Variants in PTPRD observed in about 807,000 individuals in gnomAD.
PTPRD encodes the protein protein tyrosine phosphatase receptor type D.
PTPRD carries 34 observed loss-of-function variants against 214.5 expected under a neutral mutation model. The observed-to-expected ratio is 0.16, with a 90% confidence interval of 0.12 to 0.21. PTPRD has a LOEUF of 0.21. Among genes scored for constraint, PTPRD ranks in the 10% least tolerant of loss-of-function variants. The probability of loss-of-function intolerance (pLI) is 1.00; values close to 1 mark genes in which losing one functional copy is unlikely to be tolerated. For synonymous variants in PTPRD, 1,128 were observed against 845.7 expected, an observed-to-expected ratio of 1.33 and a Z score of -5.79; for missense variants, 2,545 against 2,398.7, an observed-to-expected ratio of 1.06 and a Z score of -1.27.
At chr9:8,468,065 T>G (rs977313589) in intron 31 of PTPRD, among the ~76,000 whole-genome samples, 1 of 152,038 alleles carries the variant, frequency 6.6e-6, no homozygotes, top group Non-Finnish European at 1.5e-5. Context: ...ATCATTGTCA[T>G]TCCCACAAGC....
At chr9:9,551,599 T>C (rs79541086) in intron 8 of PTPRD, among the ~76,000 whole-genome samples, 1 of 152,022 alleles carries the variant, frequency 6.6e-6, no homozygotes, top group Non-Finnish European at 1.5e-5. Context: ...ATTACATTAA[T>C]GTTTGGCTCC....
chr9:9,553,677 T>C (rs915067594), intron 8 of PTPRD, among the ~76,000 whole-genome samples: 2 of 152,054 alleles, frequency 1.3e-5, no homozygotes, highest in Non-Finnish European at 2.9e-5. Flanking sequence ...ACAAATATGC[T>C]TGACTATATT....
At chr9:9,920,851 C>T (rs1051867122) in intron 5 of PTPRD, among the ~76,000 whole-genome samples, 1 of 152,102 alleles carries the variant, frequency 6.6e-6, no homozygotes, top group Admixed American at 6.6e-5. Context: ...ACTCCGGCTT[C>T]CATCTATCAT....
intron 15 of PTPRD, chr9:8,528,084 C>T (rs1429560174): frequency 4.7e-6 from 1 of 211,104 alleles, no homozygotes; most frequent in Non-Finnish European, 9.3e-6. Flanking sequence ...ACTTACTAAA[C>T]TTTGGTACTT....
chr9:9,833,493 C>T (rs2055657524), intron 5 of PTPRD, among the ~76,000 whole-genome samples: 1 of 151,828 alleles, frequency 6.6e-6, no homozygotes, highest in Admixed American at 6.6e-5. Flanking sequence ...ATTAAAATTG[C>T]TAATGAAGTT....
At chr9:9,249,968 T>TA (rs1335757783) in intron 9 of PTPRD, among the ~76,000 whole-genome samples, 10 of 152,062 alleles carry the variant, frequency 6.6e-5, no homozygotes, top group African/African-American at 1.7e-4. Context: ...AAGTGTTATT[T>TA]TAAAAAATCC....
intron 6 of PTPRD, among the ~76,000 whole-genome samples, chr9:9,741,533 G>T (rs1447830691): frequency 6.6e-6 from 1 of 151,998 alleles, no homozygotes; most frequent in African/African-American, 2.4e-5. Context: ...GTATACATGT[G>T]CCATGGTGGT....
At chr9:8,958,161 G>C (rs1012697071) in intron 11 of PTPRD, among the ~76,000 whole-genome samples, 35 of 151,976 alleles carry the variant, frequency 2.3e-4, no homozygotes, top group African/African-American at 8.2e-4. Context: ...TTAAATATGA[G>C]ACGGGTGCCA....
At chr9:9,053,468 G>C (rs746790469) in intron 10 of PTPRD, among the ~76,000 whole-genome samples, 12 of 152,064 alleles carry the variant, frequency 7.9e-5, no homozygotes, top group Admixed American at 3.3e-4. Context: ...CAATGGGTTT[G>C]AAGAGCTGAT....
intron 14 of PTPRD, among the ~76,000 whole-genome samples, chr9:8,600,291 G>C (rs2094766891): frequency 6.6e-6 from 1 of 152,192 alleles, no homozygotes; most frequent in Non-Finnish European, 1.5e-5. Flanking sequence ...ATCACAGGCT[G>C]AAGCACTCTG....
At chr9:9,169,538 A>T (rs1029080506) in intron 10 of PTPRD, among the ~76,000 whole-genome samples, 1 of 152,188 alleles carries the variant, frequency 6.6e-6, no homozygotes, top group Non-Finnish European at 1.5e-5. Flanking sequence ...CTGGCTATAA[A>T]GAAAGTCTCT....
chr9:9,112,739 A>G (rs1189174804), intron 10 of PTPRD, among the ~76,000 whole-genome samples: 2 of 152,178 alleles, frequency 1.3e-5, no homozygotes, highest in Non-Finnish European at 2.9e-5. Flanking sequence ...AGTCTTAACA[A>G]AATTGTGAGA....
intron 7 of PTPRD, among the ~76,000 whole-genome samples, chr9:9,611,389 G>A (rs1311978065): frequency 6.6e-6 from 1 of 151,718 alleles, no homozygotes; most frequent in East Asian, 1.9e-4. Context: ...TTCAAATTTT[G>A]CAAGAAAAAT....
At chr9:9,576,172 C>G (rs2088696729) in intron 7 of PTPRD, among the ~76,000 whole-genome samples, 1 of 152,100 alleles carries the variant, frequency 6.6e-6, no homozygotes, top group South Asian at 2.1e-4. Flanking sequence ...CAACTAGTTT[C>G]TACCATAATT....
chr9:10,018,766 G>C (rs1186076046), intron 4 of PTPRD, among the ~76,000 whole-genome samples: 1 of 151,022 alleles, frequency 6.6e-6, no homozygotes. Flanking sequence ...AGCCGGGATG[G>C]TCTCGATCTC....
chr9:8,925,800 T>A (rs1340369674), intron 11 of PTPRD, among the ~76,000 whole-genome samples: 1 of 151,712 alleles, frequency 6.6e-6, no homozygotes, highest in African/African-American at 2.4e-5. Context: ...CTGCTGTAAT[T>A]AGTTCAAGGA....
At chr9:9,344,157 T>G (rs761898733) in intron 9 of PTPRD, among the ~76,000 whole-genome samples, 33 of 152,222 alleles carry the variant, frequency 2.2e-4, no homozygotes, top group Middle Eastern at 3.4e-3. Context: ...TAACTCATCT[T>G]TTTGTTCAAG....
intron 5 of PTPRD, among the ~76,000 whole-genome samples, chr9:9,937,226 A>G (rs887064376): frequency 6.6e-6 from 1 of 151,470 alleles, no homozygotes; most frequent in Non-Finnish European, 1.5e-5. Flanking sequence ...AAAGTAAAAT[A>G]ATAAAAAAAA....
chr9:8,713,308 G>A (rs1396280341), intron 12 of PTPRD: 4 of 750,346 alleles, frequency 5.3e-6, no homozygotes, highest in Admixed American at 4.2e-5. Context: ...CGGAGAGGAC[G>A]CCATGAAGGC....
Sources: allele counts gnomAD v4.1 joint callset (sites outside exome capture counted in the v4.1 genomes callset), GRCh38; gene constraint gnomAD v4.1.1; transcripts MANE v1.5; gene names NCBI Gene and HGNC (gene_info 2026-07-23, HGNC 2026-07-21).